Variants in CSMD3 observed in about 807,000 individuals in gnomAD.
CSMD3 encodes CUB and sushi domain-containing protein 3.
In CSMD3, 177 loss-of-function variants were observed where a neutral mutation model predicts 435.2. That is an observed-to-expected ratio of 0.41 (90% CI 0.36 to 0.46). CSMD3 has a LOEUF of 0.46. Ranked by LOEUF, CSMD3 falls within the 20% of genes least tolerant of loss-of-function variation. CSMD3 has a pLI of 0.34. For missense variants in CSMD3, 4,265 were observed against 4,504.6 expected, an observed-to-expected ratio of 0.95 and a Z score of 1.52; for synonymous variants, 1,656 against 1,520.5, an observed-to-expected ratio of 1.09 and a Z score of -2.07.
rs147187210 is a variant in CSMD3 at position 112,950,074 on chromosome 8, A to G, written c.1421-2197T>C. On this transcript the variant is annotated intron_variant, in intron 8 of 70. Transcript: ENST00000297405. ...TTATTTAATTTAAAATTATCTTAAT[A>G]CAGTATAAATTAATAGTTTCACATA... 1.5e-3 allele frequency among the ~76,000 whole-genome samples: 221 copies of G among 152,128 alleles called. 6 individuals are homozygous for G. In the East Asian group the frequency reaches 0.038, roughly 26 times the overall value.
rs560706606 is a variant in CSMD3, at chr8:113,302,566, A to C, written c.401+12005T>G. 2.6e-5 allele frequency among the ~76,000 whole-genome samples: 4 copies of C among 151,854 alleles called. No individual in the cohort carries two copies. The East Asian group carries it at 7.7e-4, about 29-fold the overall frequency. On this transcript the variant is annotated intron_variant, in intron 2 of 70. Coordinates refer to ENST00000297405, the MANE Select transcript of CSMD3 (RefSeq NM_198123.2). Reference sequence around the variant, plus strand: ...ATATTAATTATGTAAAAATTTTGTTACTAAAAACATTTACATTTATGAGAA... The same window carrying C: ...ATATTAATTATGTAAAAATTTTGTTCCTAAAAACATTTACATTTATGAGAA...
In CSMD3 at chr8:112,354,162, A is replaced by T. The variant is rs531664404; in HGVS notation, c.6137-1628T>A. Among the ~76,000 whole-genome samples the T allele has an allele frequency of 6.6e-5, 10 of 152,294 alleles. No individual in the cohort carries two copies. In the South Asian group the frequency reaches 1.7e-3, roughly 25 times the overall value. ...AATCCAACATCACTTAATGATAAAA[A>T]CCCTAAAGAAACTATGCATTAAAGT... is the stretch of plus-strand genomic sequence containing the variant. On this transcript the variant is annotated intron_variant, in intron 38 of 70. Transcript: ENST00000297405.
intron 1 of CSMD3, among the ~76,000 whole-genome samples, chr8:113,434,491 G>A (rs1367741310): frequency 6.6e-6 from 1 of 152,158 alleles, no homozygotes; most frequent in Non-Finnish European, 1.5e-5. Flanking sequence ...TTCGGAGATT[G>A]ACAGCAGGTC....
intron 13 of CSMD3, among the ~76,000 whole-genome samples, chr8:112,765,754 T>C (rs2077962572): frequency 6.6e-6 from 1 of 151,778 alleles, no homozygotes; most frequent in South Asian, 2.1e-4. Flanking sequence ...GCCAGCTCCT[T>C]TCTTTGCATC....
At chr8:113,066,347 T>A (rs2088858818) in intron 5 of CSMD3, among the ~76,000 whole-genome samples, 3 of 151,514 alleles carry the variant, frequency 2.0e-5, no homozygotes, top group Non-Finnish European at 4.4e-5. Context: ...TGTTATGGAG[T>A]ATGAAGAGGA....
intron 57 of CSMD3, among the ~76,000 whole-genome samples, chr8:112,289,098 AG>A (rs1173929601): frequency 1.3e-5 from 2 of 152,082 alleles, no homozygotes. Context: ...CATACAGTGT[AG>A]CATCCTAAAA....
intron 6 of CSMD3, among the ~76,000 whole-genome samples, chr8:113,001,011 C>T (rs1332113631): frequency 6.6e-6 from 1 of 151,894 alleles, no homozygotes; most frequent in Non-Finnish European, 1.5e-5. Context: ...CAGAATTGCT[C>T]ATAATTTCTT....
chr8:113,297,692 T>A lies in CSMD3; in HGVS notation c.401+16879A>T, dbSNP rs1374349843. ...TATAGCTGCTCCTAACCAAAAAGATTCATAGTCTATTCAGCCTATTCAACA... is the reference window on the plus strand; with the variant it reads ...TATAGCTGCTCCTAACCAAAAAGATACATAGTCTATTCAGCCTATTCAACA... On this transcript the variant is annotated intron_variant, in intron 2 of 70. Coordinates refer to ENST00000297405, the MANE Select transcript of CSMD3 (RefSeq NM_198123.2). Among the ~76,000 whole-genome samples, 6 of 152,044 alleles carry A rather than the reference T, an allele frequency of 3.9e-5. No homozygotes were observed. In the East Asian group the frequency reaches 9.6e-4, roughly 24 times the overall value.
chr8:112,515,294 G>T (rs758035106), intron 28 of CSMD3, among the ~76,000 whole-genome samples: 1 of 152,058 alleles, frequency 6.6e-6, no homozygotes, highest in Non-Finnish European at 1.5e-5. Context: ...AATAAAGCAA[G>T]AAGTTCTACA....
chr8:113,088,779 G>A (rs1350211809), intron 5 of CSMD3, among the ~76,000 whole-genome samples: 2 of 150,510 alleles, frequency 1.3e-5, no homozygotes, highest in African/African-American at 4.9e-5. Context: ...GTTAATGGGT[G>A]CAGCACACCA....
intron 5 of CSMD3, among the ~76,000 whole-genome samples, chr8:113,076,530 A>G (rs1176659460): frequency 6.6e-6 from 1 of 152,106 alleles, no homozygotes; most frequent in Non-Finnish European, 1.5e-5. Context: ...GAAAAATGTG[A>G]TTAATGTAAA....
intron 1 of CSMD3, among the ~76,000 whole-genome samples, chr8:113,415,822 T>A (rs886249729): frequency 6.6e-6 from 1 of 152,106 alleles, no homozygotes; most frequent in South Asian, 2.1e-4. Flanking sequence ...ACATATGACA[T>A]TGAATATGTA....
rs558407923 is a variant in CSMD3, at chr8:112,472,684, C to T, written c.5302G>A (p.Gly1768Ser). The change falls in exon 32 of 71, where the codon GGT (glycine) becomes AGT (serine). Residue 1768 changes from glycine (G) to serine (S), a missense_variant. Transcript: ENST00000297405. The part of the protein sequence containing the change: ...CHAPCGSRST[G>S]SEGTVLSPNY... The stretch of plus-strand genomic sequence containing the variant: ...GGTGATAGAACAGTGCCTTCTGAAC[C>T]TGTTGAACGACTTCCACAGGGCGCT... 3 of 1,610,408 alleles carry T rather than the reference C, an allele frequency of 1.9e-6. No individual in the cohort carries two copies. The highest frequency in any genetic ancestry group is 1.3e-5 in the African/African-American group (1 of 74,914).
intron 4 of CSMD3, among the ~76,000 whole-genome samples, chr8:113,100,989 T>C (rs1237794298): frequency 6.6e-6 from 1 of 152,076 alleles, no homozygotes; most frequent in Non-Finnish European, 1.5e-5. Flanking sequence ...CTCCCCTTTC[T>C]CACTGAGATC....
rs559303187 is a variant in CSMD3, at chr8:112,873,354, T to G, written c.1634-14088A>C. 1.1e-4 allele frequency among the ~76,000 whole-genome samples: 16 copies of G among 152,174 alleles called. No homozygotes were observed. The East Asian group carries it at 2.1e-3, about 20-fold the overall frequency. ...CTACACCTGAAAAGGCAGGAAACCC[T>G]GGTTAATAATTTGTAATTTCATAAT... On this transcript the variant is annotated intron_variant, in intron 10 of 70. Coordinates refer to ENST00000297405, the MANE Select transcript of CSMD3 (RefSeq NM_198123.2).
At chr8:112,599,834 A>G (rs1253454667) in intron 22 of CSMD3, among the ~76,000 whole-genome samples, 1 of 130,484 alleles carries the variant, frequency 7.7e-6, no homozygotes, top group African/African-American at 3.0e-5. Flanking sequence ...TCACATGGAC[A>G]CAGGAAGGGG....
intron 3 of CSMD3, among the ~76,000 whole-genome samples, chr8:113,257,690 C>G (rs927221518): frequency 6.6e-6 from 1 of 152,236 alleles, no homozygotes; most frequent in East Asian, 1.9e-4. Flanking sequence ...TTTTCATACT[C>G]AACATCAGGA....
Position 112,947,840 on chromosome 8 carries a change from G to T in CSMD3, c.1458C>A (p.Cys486Ter). ...EGGIKTASNL[C>*]PDPGEPENGK... ...CATTTTCTGGTTCTCCTGGATCTGG[G>T]CATAAATTGGAAGCTGTTTTAATAC... Residue 486 changes from cysteine to a stop codon, truncating the protein, a stop_gained, in exon 9 of 71, where the codon TGC becomes TGA. Coordinates refer to ENST00000297405, the MANE Select transcript of CSMD3 (RefSeq NM_198123.2). LOFTEE classifies it high-confidence loss of function. 6.4e-7 allele frequency: 1 copy of T among 1,551,046 alleles called. No homozygotes were observed. The highest frequency in any genetic ancestry group is 8.9e-7 in the Non-Finnish European group (1 of 1,124,930).
At chr8:112,840,741 G>A (rs532295062) in intron 11 of CSMD3, among the ~76,000 whole-genome samples, 2 of 151,686 alleles carry the variant, frequency 1.3e-5, no homozygotes, top group South Asian at 4.2e-4. Context: ...AGGAAAGGTA[G>A]CTATACTACT....
Sources: allele counts gnomAD v4.1 joint callset (sites outside exome capture counted in the v4.1 genomes callset), GRCh38; gene constraint gnomAD v4.1.1; transcripts MANE v1.5; gene names NCBI Gene and HGNC (gene_info 2026-07-23, HGNC 2026-07-21).